The following ARMC1 variants were observed in gnomAD, a reference collection of about 807,000 sequenced individuals.
The protein encoded by ARMC1 is armadillo repeat containing 1, also known as armadillo repeat-containing protein 1.
In ARMC1, 16 loss-of-function variants were observed where a neutral mutation model predicts 31.4. The observed-to-expected ratio is 0.51, with a 90% confidence interval of 0.34 to 0.77. The LOEUF (loss-of-function observed/expected upper bound fraction) is 0.77, where lower values mean the gene tolerates loss of function less well. ARMC1 is among the 30% of genes least tolerant of loss of function. The pLI, the probability that ARMC1 is intolerant of heterozygous loss-of-function variation, is 0.01. For missense variants in ARMC1, 259 were observed against 347.5 expected (o/e 0.75, Z 2.02); for synonymous variants, 114 against 118.9 (o/e 0.96, Z 0.27).
chr8:65,628,337 C>T (rs896868476), intron 1 of ARMC1, among the ~76,000 whole-genome samples: 4 of 151,650 alleles, frequency 2.6e-5, no homozygotes, highest in Admixed American at 6.6e-5. Flanking sequence ...CTACAACCTC[C>T]GCCTCCCGGT....
chr8:65,633,551 G>C (rs1808698286), intron 1 of ARMC1, among the ~76,000 whole-genome samples: 6 of 152,218 alleles, frequency 3.9e-5, no homozygotes, highest in Admixed American at 3.9e-4. Flanking sequence ...TATCACGAAA[G>C]GAGTTGCTAA....
At chr8:65,631,036 G>A (rs1327517231) in intron 1 of ARMC1, among the ~76,000 whole-genome samples, 1 of 152,202 alleles carries the variant, frequency 6.6e-6, no homozygotes, top group African/African-American at 2.4e-5. Context: ...AACAGAGGCA[G>A]AAACTGTGGT....
rs368748079 is a variant in ARMC1 at position 65,607,938 on chromosome 8, A to G, written c.466-2400T>C. Among the ~76,000 whole-genome samples, 15 of 152,266 alleles carry G rather than the reference A, an allele frequency of 9.9e-5. No individual in the cohort carries two copies. In the East Asian group the frequency reaches 1.2e-3, roughly 12 times the overall value. ...AAAAACAAAAAGAAAAAAAGAAAAA[A>G]TACCCCTGCACTCTTCCTAGCTGTT... On this transcript the variant is annotated intron_variant, in intron 4 of 6. Coordinates refer to ENST00000276569, the MANE Select transcript of ARMC1 (RefSeq NM_018120.6).
chr8:65,621,751 C>T (rs1164840919), intron 3 of ARMC1, among the ~76,000 whole-genome samples: 2 of 152,198 alleles, frequency 1.3e-5, no homozygotes, highest in Non-Finnish European at 2.9e-5. Context: ...ACAAGTGATC[C>T]GTCTGCCTTG....
chr8:65,622,000 C>T (rs1401319964), intron 3 of ARMC1, among the ~76,000 whole-genome samples: 6 of 151,878 alleles, frequency 4.0e-5, no homozygotes, highest in Non-Finnish European at 8.8e-5. Context: ...CGCAATGGCA[C>T]GATCTCGGCT....
chr8:65,615,040 TA>T (rs146205553), intron 3 of ARMC1, among the ~76,000 whole-genome samples: 8,476 of 152,256 alleles, frequency 0.056, 808 homozygotes, highest in African/African-American at 0.19. Context: ...GCAAGTTATT[TA>T]GTGAATGAGT....
chr8:65,633,287 T>C (rs965167579), intron 1 of ARMC1, among the ~76,000 whole-genome samples: 1 of 152,232 alleles, frequency 6.6e-6, no homozygotes, highest in Non-Finnish European at 1.5e-5. Context: ...AAAAATAACA[T>C]AAGCATTGAT....
chr8:65,620,326 G>T (rs1808367135), intron 3 of ARMC1, among the ~76,000 whole-genome samples: 1 of 124,464 alleles, frequency 8.0e-6, no homozygotes, highest in Non-Finnish European at 1.6e-5. Flanking sequence ...TTTTGAGAGG[G>T]AATCTCATTC....
intron 1 of ARMC1, among the ~76,000 whole-genome samples, chr8:65,628,163 G>A (rs371497983): frequency 6.6e-6 from 1 of 152,122 alleles, no homozygotes. Flanking sequence ...ACAAAATCTA[G>A]TTAGCATAGA....
chr8:65,615,542 T>C (rs1460792579), intron 3 of ARMC1, among the ~76,000 whole-genome samples: 3 of 151,638 alleles, frequency 2.0e-5, no homozygotes, highest in East Asian at 3.9e-4. Flanking sequence ...CCGTCTCTAC[T>C]AAAAAAGCAC....
At chr8:65,633,237 C>T (rs1455514312) in intron 1 of ARMC1, among the ~76,000 whole-genome samples, 10 of 152,180 alleles carry the variant, frequency 6.6e-5, no homozygotes, top group African/African-American at 2.4e-4. Context: ...AGAGGGAATA[C>T]GTTTAACCTA....
chr8:65,621,390 C>T (rs1023370025), intron 3 of ARMC1, among the ~76,000 whole-genome samples: 1 of 152,078 alleles, frequency 6.6e-6, no homozygotes, highest in Admixed American at 6.6e-5. Context: ...TGAGGCTACT[C>T]ACACTATTTT....
At chr8:65,616,422 G>C (rs11776709) in intron 3 of ARMC1, among the ~76,000 whole-genome samples, 96,630 of 152,074 alleles carry the variant, frequency 0.64, 30,940 homozygotes, top group African/African-American at 0.69. Context: ...GACGGAGTCT[G>C]GTTCACTCAG....
At chr8:65,616,828 T>A in intron 3 of ARMC1, among the ~76,000 whole-genome samples, 1 of 144,252 alleles carries the variant, frequency 6.9e-6, no homozygotes, top group East Asian at 2.2e-4. Context: ...GGCCGCCCTG[T>A]CTGAGAAGTG....
At position 65,613,326 on chromosome 8, in the gene ARMC1, C is replaced by A; in HGVS notation, c.383G>T (p.Arg128Leu). 1 of 1,612,596 alleles carries A rather than the reference C, an allele frequency of 6.2e-7. No homozygotes were observed. Among genetic ancestry groups the A allele is most frequent in the Non-Finnish European group, 8.5e-7 (1 of 1,179,496 alleles). Residue 128 changes from arginine to leucine, a missense_variant, in exon 4 of 7, where the codon CGA becomes CTA. Around this residue, in one of 3 missense-constraint regions of ARMC1, gnomAD observed 163 missense variants for 186.7 expected, o/e 0.87. Coordinates refer to ENST00000276569, the MANE Select transcript of ARMC1 (RefSeq NM_018120.6). ...TCCCAGAAAAAATTGAGCTTTCCTT[C>A]GACGTGAATTCATCTCATTAAAACT... The part of the protein sequence containing the change: ...GDSFNEMNSR[R>L]RKAQFFLGTT...
At chr8:65,616,430 C>T in intron 3 of ARMC1, among the ~76,000 whole-genome samples, 1 of 152,246 alleles carries the variant, frequency 6.6e-6, no homozygotes, top group Non-Finnish European at 1.5e-5. Context: ...CTGGTTCACT[C>T]AGTGCTCAAT....
Position 65,620,799 on chromosome 8 carries a change from T to TAAAAAAAAAA in ARMC1, c.275+1463_275+1464insTTTTTTTTTT, listed in dbSNP as rs112946805. 2.6e-3 allele frequency among the ~76,000 whole-genome samples: 361 copies of TAAAAAAAAAA among 139,142 alleles called. 6 individuals carry two copies. Among genetic ancestry groups the TAAAAAAAAAA allele is most frequent in the South Asian group, 0.021 (92 of 4,468 alleles). 91.3% of individuals were successfully genotyped at this position (139,142 alleles called of 152,430 possible). Reference sequence around the variant, plus strand: ...TCCTGTAAAAGAATTTAGTTCCATTTAAAAAAAAACACAACTATCTGGGCA... The same window carrying TAAAAAAAAAA: ...TCCTGTAAAAGAATTTAGTTCCATTTAAAAAAAAAAAAAAAAAAACACAACTATCTGGGCA... On this transcript the variant is annotated intron_variant, in intron 3 of 6. Transcript: ENST00000276569.
chr8:65,633,391 G>T (rs940147566), intron 1 of ARMC1, among the ~76,000 whole-genome samples: 1 of 152,168 alleles, frequency 6.6e-6, no homozygotes, highest in Non-Finnish European at 1.5e-5. Flanking sequence ...ACAATCCTCA[G>T]CGGTTATCAG....
intron 1 of ARMC1, among the ~76,000 whole-genome samples, chr8:65,630,713 G>A (rs1808624892): frequency 6.6e-6 from 1 of 152,076 alleles, no homozygotes; most frequent in African/African-American, 2.4e-5. Context: ...CAGCTACTTG[G>A]GAAGCTGAGG....
Sources: allele counts gnomAD v4.1 joint callset (sites outside exome capture counted in the v4.1 genomes callset), GRCh38; gene constraint gnomAD v4.1.1; regional missense constraint gnomAD v4.1.1; transcripts MANE v1.5; gene names NCBI Gene and HGNC (gene_info 2026-07-23, HGNC 2026-07-21).